Variants in ELL2 observed in about 807,000 individuals in gnomAD.
ELL2 encodes RNA polymerase II elongation factor ELL2.
A neutral mutation model predicts 72.8 loss-of-function variants in ELL2; 21 were observed. That is an observed-to-expected ratio of 0.29 (90% CI 0.20 to 0.42). The LOEUF is 0.42. Among genes scored for constraint, ELL2 ranks in the 10% least tolerant of loss-of-function variants. The pLI is 1.00. For synonymous variants in ELL2, 266 were observed against 283.2 expected (o/e 0.94, Z 0.61); for missense variants, 568 against 772.8 (o/e 0.73, Z 3.14).
intron 3 of ELL2, among the ~76,000 whole-genome samples, chr5:95,914,814 C>T (rs1478334728): frequency 1.3e-5 from 2 of 152,116 alleles, no homozygotes; most frequent in Non-Finnish European, 2.9e-5. Flanking sequence ...CACTGCACTC[C>T]AGCCTGGGCA....
At chr5:95,941,616 G>A (rs1416590208) in intron 2 of ELL2, among the ~76,000 whole-genome samples, 1 of 152,094 alleles carries the variant, frequency 6.6e-6, no homozygotes, top group Admixed American at 6.6e-5. Context: ...AAGAATTAAG[G>A]GAAGCATCAG....
At position 95,898,536 on chromosome 5, in the gene ELL2, A is replaced by G; in HGVS notation, c.1229T>C (p.Leu410Pro). ...GTTTTGACTAAAACTGTCAACAGGTAGGTCTTGAGTCCCCCGGCCTTCTGG... is the reference window on the plus strand; with the variant it reads ...GTTTTGACTAAAACTGTCAACAGGTGGGTCTTGAGTCCCCCGGCCTTCTGG... ...STPEGRGTQD[L>P]PVDSFSQNDS... Residue 410 changes from leucine (L) to proline (P), a missense_variant, in exon 8 of 12, where the codon CTA (leucine) becomes CCA (proline). Coordinates refer to ENST00000237853, the MANE Select transcript of ELL2 (RefSeq NM_012081.6). 6.2e-7 allele frequency: 1 copy of G among 1,614,104 alleles called. No homozygotes were observed. Among genetic ancestry groups the G allele is most frequent in the Non-Finnish European group, 8.5e-7 (1 of 1,180,038 alleles).
intron 2 of ELL2, among the ~76,000 whole-genome samples, chr5:95,930,225 T>C (rs888218619): frequency 2.0e-5 from 3 of 152,236 alleles, no homozygotes; most frequent in African/African-American, 4.8e-5. Flanking sequence ...CAACTTCCAA[T>C]TCATTGCCAA....
At chr5:95,951,385 A>T (rs545682257) in intron 1 of ELL2, among the ~76,000 whole-genome samples, 231 of 144,624 alleles carry the variant, frequency 1.6e-3, no homozygotes, top group African/African-American at 5.6e-3. Flanking sequence ...AAAATAAAAT[A>T]AATAAATAAA....
intron 2 of ELL2, among the ~76,000 whole-genome samples, chr5:95,935,530 T>G (rs1442084659): frequency 6.6e-6 from 1 of 152,232 alleles, no homozygotes; most frequent in Non-Finnish European, 1.5e-5. Context: ...CTTTTCTTTC[T>G]TCTTACGACT....
Position 95,954,046 on chromosome 5 carries a change from A to C in ELL2, c.147+7529T>G, listed in dbSNP as rs143995646. 4.3e-3 allele frequency among the ~76,000 whole-genome samples: 648 copies of C among 152,356 alleles called. 5 individuals carry two copies. The highest frequency in any genetic ancestry group is 0.015 in the African/African-American group (625 of 41,592). On this transcript the variant is annotated intron_variant, in intron 1 of 11. Coordinates refer to ENST00000237853, the MANE Select transcript of ELL2 (RefSeq NM_012081.6). Reference sequence around the variant, plus strand: ...GCTCAAAACCAAATTTTTTTCCCAAAGAATTTCAACTTTCCTCAAAACGTC... The same window carrying C: ...GCTCAAAACCAAATTTTTTTCCCAACGAATTTCAACTTTCCTCAAAACGTC...
chr5:95,892,099 TAAGTA>T (rs1748686840), intron 9 of ELL2, among the ~76,000 whole-genome samples: 2 of 152,124 alleles, frequency 1.3e-5, no homozygotes, highest in Admixed American at 1.3e-4. Context: ...TATTCAATAA[TAAGTA>T]AATTAAAACA....
chr5:95,948,342 A>G (rs1751247804), intron 1 of ELL2, among the ~76,000 whole-genome samples: 1 of 146,094 alleles, frequency 6.8e-6, no homozygotes, highest in African/African-American at 2.5e-5. Flanking sequence ...AGGCAGGAGA[A>G]TGGCGTGAAC....
At chr5:95,935,059 C>T (rs1750726205) in intron 2 of ELL2, among the ~76,000 whole-genome samples, 1 of 152,146 alleles carries the variant, frequency 6.6e-6, no homozygotes, top group South Asian at 2.1e-4. Context: ...CACATCCATC[C>T]ATACTCCTCT....
intron 5 of ELL2, 180 bp from the exon 6 acceptor site, chr5:95,901,260 AG>A: frequency 1.9e-6 from 1 of 526,682 alleles, no homozygotes; most frequent in Non-Finnish European, 3.1e-6. Context: ...TGGGAATTAA[AG>A]CTTTATATAC....
intron 2 of ELL2, among the ~76,000 whole-genome samples, chr5:95,936,000 T>C (rs559613027): frequency 1.3e-5 from 2 of 152,182 alleles, no homozygotes; most frequent in Non-Finnish European, 2.9e-5. Context: ...TTGTGACCCA[T>C]TGGAAGGTCA....
intron 2 of ELL2, among the ~76,000 whole-genome samples, chr5:95,932,137 A>G (rs1017051824): frequency 3.3e-5 from 5 of 152,148 alleles, no homozygotes; most frequent in Admixed American, 6.5e-5. Context: ...TTCAGTTTTC[A>G]TAAGTCAAAT....
intron 1 of ELL2, among the ~76,000 whole-genome samples, chr5:95,954,744 T>C (rs188167146): frequency 3.3e-5 from 5 of 151,672 alleles, no homozygotes; most frequent in Admixed American, 3.3e-4. Context: ...CCGGCCAATA[T>C]CTTGTTAAAT....
At chr5:95,961,070 G>GGTGT (rs3834269) in intron 1 of ELL2, among the ~76,000 whole-genome samples, 13,064 of 151,988 alleles carry the variant, frequency 0.086, 1,250 homozygotes, top group African/African-American at 0.24. Flanking sequence ...GGGAATACAA[G>GGTGT]GTCCCACCCC....
intron 1 of ELL2, among the ~76,000 whole-genome samples, chr5:95,958,421 G>C (rs1042314934): frequency 2.6e-5 from 4 of 152,162 alleles, no homozygotes; most frequent in Non-Finnish European, 4.4e-5. Flanking sequence ...TCAGGAGGAG[G>C]GGCACTGAGG....
At position 95,919,494 on chromosome 5, in the gene ELL2, A is replaced by T. The variant is rs895986409; in HGVS notation, c.247T>A (p.Phe83Ile). Residue 83 changes from phenylalanine (F) to isoleucine (I), a missense_variant, in exon 3 of 12, where the codon TTT becomes ATT. Phe to Ile is a conservative substitution (Grantham distance 21). This residue lies in a region of ELL2 where 511 missense variants were observed against 728.4 expected (regional missense o/e 0.70). Transcript: ENST00000237853. ...TCTTTGCCCACATTTGACAAATAAA[A>T]GTTAAAGTTATGAACTTCATTGAGG... ...DPLNEVHNFNFYLSNVGKDNP... is the reference protein window; with the variant it reads ...DPLNEVHNFNIYLSNVGKDNP... 8 of 1,587,528 alleles carry T rather than the reference A, an allele frequency of 5.0e-6. No individual in the cohort carries two copies. The highest frequency in any genetic ancestry group is 3.5e-5 in the South Asian group (3 of 86,032).
chr5:95,893,471 G>A (rs1192971015), intron 9 of ELL2, among the ~76,000 whole-genome samples: 3 of 152,162 alleles, frequency 2.0e-5, no homozygotes, highest in African/African-American at 7.2e-5. Context: ...TGCAAACTCC[G>A]CCTCCCGGGT....
chr5:95,933,064 G>A (rs3777179), intron 2 of ELL2, among the ~76,000 whole-genome samples: 38,207 of 151,996 alleles, frequency 0.25, 5,089 homozygotes, highest in East Asian at 0.38. Context: ...AACAAATCAC[G>A]CTGTCAAACA....
chr5:95,922,396 T>G (rs1054477600), intron 2 of ELL2, among the ~76,000 whole-genome samples: 2 of 152,174 alleles, frequency 1.3e-5, no homozygotes, highest in African/African-American at 2.4e-5. Flanking sequence ...ATTGTACAGT[T>G]TTTTTCCCCC....
Sources: allele counts gnomAD v4.1 joint callset (sites outside exome capture counted in the v4.1 genomes callset), GRCh38; gene constraint gnomAD v4.1.1; regional missense constraint gnomAD v4.1.1; transcripts MANE v1.5; gene names NCBI Gene and HGNC (gene_info 2026-07-23, HGNC 2026-07-21).